SULF2: variants seen among roughly 807,000 people sequenced by gnomAD.
SULF2 encodes extracellular sulfatase Sulf-2.
In SULF2, 52 loss-of-function variants were observed where a neutral mutation model predicts 107.7. The observed-to-expected ratio is 0.48, with a 90% CI of 0.39 to 0.61. The LOEUF (loss-of-function observed/expected upper bound fraction) is 0.61, where lower values mean the gene tolerates loss of function less well. Among genes scored for constraint, SULF2 ranks in the 20% least tolerant of loss-of-function variants. SULF2 has a pLI of 0.00. For missense variants in SULF2, 993 were observed against 1,177.3 expected (o/e 0.84, Z 2.29); for synonymous variants, 460 against 464.3 (o/e 0.99, Z 0.12).
chr20:47,690,804 G>A (rs1378152445), intron 4 of SULF2, among the ~76,000 whole-genome samples: 2 of 151,414 alleles, frequency 1.3e-5, no homozygotes, highest in Non-Finnish European at 2.9e-5. Context: ...AGGAGGTGGA[G>A]GCTGCAGTGA....
intron 11 of SULF2, among the ~76,000 whole-genome samples, chr20:47,671,536 A>G (rs189860080): frequency 9.2e-5 from 14 of 151,936 alleles, no homozygotes; most frequent in Admixed American, 6.6e-4. Context: ...GGCCTCTCAA[A>G]GTGCTGGGAT....
At chr20:47,708,485 T>A (rs868328963) in intron 3 of SULF2, among the ~76,000 whole-genome samples, 18 of 152,252 alleles carry the variant, frequency 1.2e-4, no homozygotes, top group African/African-American at 4.1e-4. Context: ...GCATGCCAGA[T>A]TTTGCCTTTT....
At chr20:47,702,817 T>C (rs1192174983) in intron 3 of SULF2, 147 bp from the exon 4 acceptor site, 2 of 639,338 alleles carry the variant, frequency 3.1e-6, no homozygotes, top group African/African-American at 3.7e-5. Context: ...TCTCCAATGT[T>C]ATTACGTGCA....
chr20:47,724,442 G>T (rs376204984), intron 3 of SULF2, among the ~76,000 whole-genome samples: 1 of 152,220 alleles, frequency 6.6e-6, no homozygotes, highest in Admixed American at 6.5e-5. Context: ...GTTGTAGCAG[G>T]GCCAGGCGGA....
chr20:47,671,802 C>A (rs2087480394), intron 11 of SULF2, among the ~76,000 whole-genome samples: 1 of 152,106 alleles, frequency 6.6e-6, no homozygotes, highest in Non-Finnish European at 1.5e-5. Flanking sequence ...GCAGCCTCTG[C>A]CTCCTGGGTT....
At chr20:47,689,102 C>T (rs2088110809) in intron 5 of SULF2, among the ~76,000 whole-genome samples, 1 of 152,140 alleles carries the variant, frequency 6.6e-6, no homozygotes, top group South Asian at 2.1e-4. Context: ...TGAATCCTGG[C>T]TCTGCCACTT....
At chr20:47,752,269 C>T (rs1465336248) in intron 2 of SULF2, among the ~76,000 whole-genome samples, 51 of 152,116 alleles carry the variant, frequency 3.4e-4, no homozygotes, top group Non-Finnish European at 1.5e-5. Context: ...ACAAGAATGC[C>T]AGGGAAACAG....
intron 11 of SULF2, 90 bp downstream of exon 11, chr20:47,672,108 G>C (rs1282210479): frequency 7.2e-7 from 1 of 1,382,606 alleles, no homozygotes; most frequent in Non-Finnish European, 9.9e-7. Context: ...CAAAGTGACA[G>C]TCTCTGTGGA....
At chr20:47,730,919 C>G (rs553319345) in intron 3 of SULF2, among the ~76,000 whole-genome samples, 24 of 152,284 alleles carry the variant, frequency 1.6e-4, no homozygotes, top group African/African-American at 5.3e-4. Flanking sequence ...GCAGGTGATC[C>G]ACGCTGGGCA....
chr20:47,705,245 C>T (rs1295407404), intron 3 of SULF2, among the ~76,000 whole-genome samples: 13 of 152,116 alleles, frequency 8.5e-5, no homozygotes, highest in Admixed American at 8.5e-4. Context: ...CCCCCAGCAG[C>T]CTCAGGGGTA....
intron 11 of SULF2, among the ~76,000 whole-genome samples, chr20:47,668,920 TTCC>T (rs1304050902): frequency 6.6e-6 from 1 of 152,188 alleles, no homozygotes; most frequent in Non-Finnish European, 1.5e-5. Flanking sequence ...GTACTCCATC[TTCC>T]TCCTCCTCAG....
At chr20:47,760,631 C>T (rs1348647624) in intron 1 of SULF2, among the ~76,000 whole-genome samples, 1 of 152,192 alleles carries the variant, frequency 6.6e-6, no homozygotes, top group Non-Finnish European at 1.5e-5. Flanking sequence ...CATTCAGGGA[C>T]CTGTATCCTA....
At chr20:47,720,209 T>A (rs1444262089) in intron 3 of SULF2, among the ~76,000 whole-genome samples, 2 of 152,184 alleles carry the variant, frequency 1.3e-5, no homozygotes, top group South Asian at 2.1e-4. Flanking sequence ...TGCTTTGGCC[T>A]CTGAAAGTGC....
chr20:47,754,459 C>T (rs1031763685), intron 2 of SULF2, among the ~76,000 whole-genome samples: 2 of 152,296 alleles, frequency 1.3e-5, no homozygotes, highest in Admixed American at 6.5e-5. Context: ...GCCTATCATG[C>T]CCCTCCCACA....
chr20:47,667,105 A>C (rs2087300976), intron 11 of SULF2, among the ~76,000 whole-genome samples: 1 of 152,220 alleles, frequency 6.6e-6, no homozygotes, highest in South Asian at 2.1e-4. Context: ...ATTGTATATA[A>C]TTGTAAAAAT....
At chr20:47,708,006 G>A (rs1454021763) in intron 3 of SULF2, among the ~76,000 whole-genome samples, 1 of 152,120 alleles carries the variant, frequency 6.6e-6, no homozygotes, top group African/African-American at 2.4e-5. Context: ...CTGAATTTGG[G>A]GTCCCACTGC....
chr20:47,719,449 C>T (rs370332159), intron 3 of SULF2, among the ~76,000 whole-genome samples: 28 of 152,130 alleles, frequency 1.8e-4, no homozygotes, highest in African/African-American at 6.5e-4. Flanking sequence ...TAGATAAGGA[C>T]GATCGCCCAG....
intron 1 of SULF2, among the ~76,000 whole-genome samples, chr20:47,765,530 AC>A (rs1390406894): frequency 6.6e-6 from 1 of 152,140 alleles, no homozygotes; most frequent in African/African-American, 2.4e-5. Context: ...GATATGTCCC[AC>A]GGGCTGGGGC....
intron 2 of SULF2, among the ~76,000 whole-genome samples, chr20:47,748,624 GC>G (rs2090098139): frequency 6.6e-6 from 1 of 152,190 alleles, no homozygotes; most frequent in Non-Finnish European, 1.5e-5. Context: ...GCCTGGAGGT[GC>G]TGGTTCAACA....
Sources: allele counts gnomAD v4.1 joint callset (sites outside exome capture counted in the v4.1 genomes callset), GRCh38; gene constraint gnomAD v4.1.1; transcripts MANE v1.5; gene names NCBI Gene and HGNC (gene_info 2026-07-23, HGNC 2026-07-21).